Variants in ALPK2 observed in about 807,000 individuals in gnomAD.
ALPK2 encodes alpha kinase 2.
A neutral mutation model predicts 163.1 loss-of-function variants in ALPK2; 127 were observed. That is an observed-to-expected ratio of 0.78 (90% confidence interval 0.67 to 0.90). The LOEUF (loss-of-function observed/expected upper bound fraction) is 0.90, where lower values mean the gene tolerates loss of function less well. Ranked by LOEUF, ALPK2 falls within the 40% of genes least tolerant of loss-of-function variation. ALPK2 has a pLI of 0.00. For missense variants in ALPK2, 2,360 were observed against 2,589.6 expected (o/e 0.91, Z 1.92); for synonymous variants, 953 against 959.1 (o/e 0.99, Z 0.12).
intron 8 of ALPK2, among the ~76,000 whole-genome samples, chr18:58,519,933 T>C (rs1163440418): frequency 2.6e-5 from 4 of 152,128 alleles, no homozygotes; most frequent in Non-Finnish European, 5.9e-5. Context: ...TTTAGACCAA[T>C]CTCTTCCCTG....
intron 4 of ALPK2, among the ~76,000 whole-genome samples, chr18:58,553,836 GGGTTTTTTTTTT>G (rs1342663474): frequency 7.5e-6 from 1 of 133,570 alleles, no homozygotes; most frequent in African/African-American, 2.9e-5. Context: ...CGAGCAGTTG[GGGTTTTTTTTTT>G]GGTTTTTTTT....
intron 4 of ALPK2, among the ~76,000 whole-genome samples, chr18:58,565,048 G>T (rs1025815005): frequency 6.6e-6 from 1 of 152,120 alleles, no homozygotes; most frequent in African/African-American, 2.4e-5. Flanking sequence ...TGGAATGGTT[G>T]GGGGGCATAA....
chr18:58,577,184 A>C (rs2144195140), intron 4 of ALPK2, among the ~76,000 whole-genome samples: 2 of 152,354 alleles, frequency 1.3e-5, no homozygotes, highest in African/African-American at 4.8e-5. Flanking sequence ...CGATCTCAGA[A>C]TTCAGTTTAG....
chr18:58,555,384 G>A (rs946150063), intron 4 of ALPK2, among the ~76,000 whole-genome samples: 5 of 152,200 alleles, frequency 3.3e-5, no homozygotes, highest in Non-Finnish European at 7.3e-5. Context: ...CAATGGCTAA[G>A]TCTAATCATT....
chr18:58,603,129 T>C lies in ALPK2; in HGVS notation c.227+4193A>G, dbSNP rs1479044588. On this transcript the variant is annotated intron_variant, in intron 3 of 12. Coordinates refer to ENST00000361673, the MANE Select transcript of ALPK2 (RefSeq NM_052947.4). ...TACCGCTGCTCTGCCATTCTTTTACTTTCTTAATAAACTTGCTCCAAATTC... is the reference window on the plus strand; with the variant it reads ...TACCGCTGCTCTGCCATTCTTTTACCTTCTTAATAAACTTGCTCCAAATTC... Among the ~76,000 whole-genome samples the C allele has an allele frequency of 3.9e-5, 6 of 152,244 alleles. No homozygotes were observed. The South Asian group carries it at 1.2e-3, about 31-fold the overall frequency.
intron 4 of ALPK2, among the ~76,000 whole-genome samples, chr18:58,569,402 G>A (rs553250914): frequency 2.4e-4 from 36 of 152,318 alleles, no homozygotes; most frequent in African/African-American, 8.2e-4. Context: ...CTAGGGTTGA[G>A]GGCTTGGCTT....
At position 58,580,446 on chromosome 18, in the gene ALPK2, GT is replaced by G; in HGVS notation, c.329del (p.Asn110ThrfsTer138). On this transcript the variant is annotated frameshift_variant, in exon 4 of 13. Transcript: ENST00000361673. LOFTEE classifies it high-confidence loss of function. ...CTTCCAGGTTAGGAGACAATTGTGGGTTCTCTGATGAGCACTCAACCTCAAC... is the reference window on the plus strand; with the variant it reads ...CTTCCAGGTTAGGAGACAATTGTGGGTCTCTGATGAGCACTCAACCTCAAC... ...ASVEVECSSE[N>X]PQLSPNLEDD... The G allele has an allele frequency of 6.2e-7, 1 of 1,614,100 alleles. No individual in the cohort carries two copies. The highest frequency in any genetic ancestry group is 8.5e-7 in the Non-Finnish European group (1 of 1,180,024).
At chr18:58,484,838 C>T (rs1022978540) in intron 12 of ALPK2, among the ~76,000 whole-genome samples, 1 of 152,186 alleles carries the variant, frequency 6.6e-6, no homozygotes, top group Non-Finnish European at 1.5e-5. Flanking sequence ...CAGGGCATAA[C>T]ACAGTAAAGA....
intron 10 of ALPK2, among the ~76,000 whole-genome samples, chr18:58,512,828 T>G (rs1296923467): frequency 4.0e-5 from 4 of 100,868 alleles, no homozygotes; most frequent in Admixed American, 1.1e-4. Context: ...ATGTATGAGG[T>G]GTGTGTGTGT....
Position 58,481,812 on chromosome 18 carries a change from A to G in ALPK2, c.*11T>C, listed in dbSNP as rs1568061829. 6.3e-7 allele frequency: 1 copy of G among 1,599,618 alleles called. No homozygotes were observed. Among genetic ancestry groups the G allele is most frequent in the East Asian group, 2.2e-5 (1 of 44,832 alleles). On this transcript the variant is annotated 3_prime_UTR_variant, in exon 13 of 13. Transcript: ENST00000361673. ...GCTGCTAGCCAGTGGCCATTAGGTT[A>G]CCCAGGGACGTTAGGTTTTCTTTTC... is the stretch of plus-strand genomic sequence containing the variant.
chr18:58,612,872 C>T (rs1462494269), intron 1 of ALPK2, among the ~76,000 whole-genome samples: 1 of 152,172 alleles, frequency 6.6e-6, no homozygotes, highest in African/African-American at 2.4e-5. Context: ...GCAGGCGGTT[C>T]TCCCACACCA....
chr18:58,503,794 G>A, intron 11 of ALPK2, 137 bp downstream of exon 11: 2 of 715,718 alleles, frequency 2.8e-6, no homozygotes, highest in South Asian at 4.3e-5. Context: ...GGAGGCATCA[G>A]TAACAGCTTC....
chr18:58,582,938 A>G (rs1190058818), intron 3 of ALPK2, among the ~76,000 whole-genome samples: 4 of 152,296 alleles, frequency 2.6e-5, no homozygotes, highest in Admixed American at 6.5e-5. Context: ...GTGGAAGCCA[A>G]GGTTCTTGTA....
At chr18:58,580,844 G>T in intron 3 of ALPK2, 1 of 363,610 alleles carries the variant, frequency 2.8e-6, no homozygotes, top group Non-Finnish European at 5.0e-6. Flanking sequence ...GGCAGGGTCA[G>T]GACATTACCT....
Position 58,498,077 on chromosome 18 carries a change from C to T in ALPK2, c.6268G>A (p.Asp2090Asn). The change falls in exon 12 of 13, where the codon GAC becomes AAC. Residue 2090 changes from aspartate to asparagine, a missense_variant. Asp to Asn is a conservative substitution (Grantham distance 23, BLOSUM62 1). Coordinates refer to ENST00000361673, the MANE Select transcript of ALPK2 (RefSeq NM_052947.4). ...DMQGVGMKLT[D>N]VGIATLAKGY... ...TTAGCCAGCGTTGCTATGCCAACGT[C>T]AGTTAGCTTCATTCCTACACCTACA... is the stretch of plus-strand genomic sequence containing the variant. 6.2e-7 allele frequency: 1 copy of T among 1,614,120 alleles called. No individual in the cohort carries two copies.
rs2051664995 is a variant in ALPK2, at chr18:58,538,046, G to A, written c.2141C>T (p.Thr714Ile). The A allele has an allele frequency of 1.9e-6, 3 of 1,614,154 alleles. No homozygotes were observed. The highest frequency in any genetic ancestry group is 2.5e-6 in the Non-Finnish European group (3 of 1,180,020). ...LAQHSEVKPC[T>I]CGPQHEEKQD... ...TTTTTCTTCATGCTGTGGACCACAG[G>A]TACAGGGTTTGACCTCCGAGTGTTG... Residue 714 changes from threonine (T) to isoleucine (I), a missense_variant, in exon 5 of 13, where the codon ACC becomes ATC. Physicochemically the swap from Thr to Ile is moderately conservative, Grantham distance 89 (BLOSUM62 -1). Transcript: ENST00000361673.
chr18:58,549,873 A>G (rs57029765), intron 4 of ALPK2, among the ~76,000 whole-genome samples: 48 of 152,232 alleles, frequency 3.2e-4, no homozygotes, highest in African/African-American at 1.1e-3. Context: ...CTGAAAGGGA[A>G]GCAGGCAAAG....
intron 3 of ALPK2, among the ~76,000 whole-genome samples, chr18:58,593,563 C>CAAAAAAAAA: frequency 2.0e-5 from 1 of 50,650 alleles, no homozygotes; most frequent in Non-Finnish European, 3.6e-5. Flanking sequence ...GACTCTGTCT[C>CAAAAAAAAA]AAAAAAAAAA....
intron 1 of ALPK2, among the ~76,000 whole-genome samples, chr18:58,613,784 T>C (rs906577747): frequency 6.6e-6 from 1 of 151,536 alleles, no homozygotes; most frequent in South Asian, 2.1e-4. Flanking sequence ...CAGGGCCCCG[T>C]GTGAAGACAC....
Sources: allele counts gnomAD v4.1 joint callset (sites outside exome capture counted in the v4.1 genomes callset), GRCh38; gene constraint gnomAD v4.1.1; transcripts MANE v1.5; gene names NCBI Gene and HGNC (gene_info 2026-07-23, HGNC 2026-07-21).